Variants in RAB7A observed in about 807,000 individuals in gnomAD.
The protein encoded by RAB7A is ras-related protein Rab-7a.
A neutral mutation model predicts 24.5 loss-of-function variants in RAB7A; 2 were observed. That is an observed-to-expected ratio of 0.08 (90% CI 0.03 to 0.26). The LOEUF (loss-of-function observed/expected upper bound fraction) is 0.26. Among genes scored for constraint, RAB7A ranks in the 10% least tolerant of loss-of-function variants. RAB7A has a pLI of 1.00. For missense variants in RAB7A, 118 were observed against 255.7 expected (o/e 0.46, Z 3.67); for synonymous variants, 100 against 95.9 (o/e 1.04, Z -0.25).
At chr3:128,768,853 C>G (rs946217645) in intron 1 of RAB7A, among the ~76,000 whole-genome samples, 1 of 151,896 alleles carries the variant, frequency 6.6e-6, no homozygotes, top group African/African-American at 2.4e-5. Flanking sequence ...GACACTGCGC[C>G]CAGCCTAAAG....
intron 1 of RAB7A, among the ~76,000 whole-genome samples, chr3:128,752,976 A>G (rs74974463): frequency 1.1e-3 from 167 of 152,328 alleles, no homozygotes; most frequent in Admixed American, 2.6e-3. Flanking sequence ...AACTGACATC[A>G]TGATACCCTA....
chr3:128,763,618 C>CA (rs2070795915), intron 1 of RAB7A, among the ~76,000 whole-genome samples: 2 of 152,192 alleles, frequency 1.3e-5, no homozygotes, highest in South Asian at 4.1e-4. Flanking sequence ...TTAAGGTAGT[C>CA]ACAGCCATAT....
chr3:128,730,163 A>C (rs73196974), intron 1 of RAB7A, among the ~76,000 whole-genome samples: 8,131 of 152,190 alleles, frequency 0.053, 230 homozygotes, highest in Non-Finnish European at 0.058. Flanking sequence ...TTTGCTCTTA[A>C]ATCTTCTATT....
chr3:128,745,048 G>A lies in RAB7A; in HGVS notation c.-9+18689G>A, dbSNP rs568193671. Among the ~76,000 whole-genome samples, 23 of 151,844 alleles carry A rather than the reference G, an allele frequency of 1.5e-4. No individual in the cohort carries two copies. In the South Asian group the frequency reaches 4.6e-3, roughly 30 times the overall value. On this transcript the variant is annotated intron_variant, in intron 1 of 5. Transcript: ENST00000265062. The stretch of plus-strand genomic sequence containing the variant: ...GCCACCACACCTGGCTAATTTTTTT[G>A]TATTTTTAGTAGAGACAGGGTTTCA...
chr3:128,786,310 T>C (rs1933340790), intron 1 of RAB7A, among the ~76,000 whole-genome samples: 2 of 152,212 alleles, frequency 1.3e-5, no homozygotes. Context: ...GTTTGGGAAG[T>C]TGAGAAGAGT....
At chr3:128,734,539 A>T (rs73196987) in intron 1 of RAB7A, among the ~76,000 whole-genome samples, 6,257 of 151,800 alleles carry the variant, frequency 0.041, 177 homozygotes, top group Non-Finnish European at 0.058. Flanking sequence ...TTAGTCTTCC[A>T]TAGTTGCCCA....
intron 1 of RAB7A, among the ~76,000 whole-genome samples, chr3:128,745,153 C>T (rs2070598690): frequency 6.6e-6 from 1 of 151,976 alleles, no homozygotes; most frequent in South Asian, 2.1e-4. Context: ...GGATTATAGG[C>T]GTGAGCTGCC....
chr3:128,795,804 T>C (rs1933559864), intron 2 of RAB7A, among the ~76,000 whole-genome samples: 1 of 129,344 alleles, frequency 7.7e-6, no homozygotes, highest in Admixed American at 8.8e-5. Context: ...CAGGCTGGAG[T>C]GCAGTGGCGC....
chr3:128,768,581 CAG>C (rs943339587), intron 1 of RAB7A, among the ~76,000 whole-genome samples: 4 of 151,692 alleles, frequency 2.6e-5, no homozygotes, highest in African/African-American at 9.7e-5. Flanking sequence ...TTTTTGGAGA[CAG>C]GGTCTCATTC....
At chr3:128,752,770 T>G (rs548644858) in intron 1 of RAB7A, among the ~76,000 whole-genome samples, 7 of 152,094 alleles carry the variant, frequency 4.6e-5, no homozygotes, top group African/African-American at 1.7e-4. Flanking sequence ...TGTTTATTCT[T>G]TAGGTGGGTT....
At chr3:128,768,943 C>A (rs1046773896) in intron 1 of RAB7A, among the ~76,000 whole-genome samples, 1 of 143,798 alleles carries the variant, frequency 7.0e-6, no homozygotes, top group African/African-American at 2.6e-5. Context: ...CTTTTCCTTT[C>A]CTTTCCTTTT....
chr3:128,798,766 G>A (rs938602016), intron 3 of RAB7A: 2 of 182,996 alleles, frequency 1.1e-5, no homozygotes, highest in Non-Finnish European at 1.1e-5. Flanking sequence ...AGTGAGCTGT[G>A]ACTGCTCCAT....
rs753783290 is a variant in RAB7A, at chr3:128,813,311, C to CT, written c.529-15dup. 1 of 1,610,650 alleles carries CT rather than the reference C, an allele frequency of 6.2e-7. No homozygotes were observed. Among genetic ancestry groups the CT allele is most frequent in the South Asian group, 1.1e-5 (1 of 90,952 alleles). ...TATTCCCTGAGTAACCAACCTTTCT[C>CT]TGTTTCCTTGTCCAGGAAACGGAGG... On this transcript the variant is annotated splice_polypyrimidine_tract_variant and intron_variant, in intron 5 of 5. Transcript: ENST00000265062.
chr3:128,746,258 A>T (rs943236581), intron 1 of RAB7A, among the ~76,000 whole-genome samples: 2 of 151,864 alleles, frequency 1.3e-5, no homozygotes, highest in African/African-American at 4.8e-5. Context: ...TCAACTGTTT[A>T]TTTTTAGCTT....
chr3:128,764,453 A>G, intron 1 of RAB7A: 1 of 760,908 alleles, frequency 1.3e-6, no homozygotes, highest in African/African-American at 1.7e-5. Context: ...CTATGGGGAA[A>G]TTAGCCTGAG....
Position 128,773,748 on chromosome 3 carries a change from C to G in RAB7A, c.-8-21612C>G, listed in dbSNP as rs139816657. Among the ~76,000 whole-genome samples the G allele has an allele frequency of 6.1e-3, 926 of 152,332 alleles. 8 individuals are homozygous for G. The highest frequency in any genetic ancestry group is 0.021 in the African/African-American group (884 of 41,568). ...TTGTTCTGTACTAAGAAAAATTCTT[C>G]TGCCTTGGGATGCTGTTGATCTATG... On this transcript the variant is annotated intron_variant, in intron 1 of 5. Transcript: ENST00000265062.
chr3:128,732,025 T>C (rs557911858), intron 1 of RAB7A, among the ~76,000 whole-genome samples: 1 of 149,566 alleles, frequency 6.7e-6, no homozygotes, highest in Admixed American at 6.6e-5. Context: ...AAAGTGTCTC[T>C]TTCTTCCACT....
At chr3:128,779,917 A>G (rs145194566) in intron 1 of RAB7A, among the ~76,000 whole-genome samples, 2,031 of 152,304 alleles carry the variant, frequency 0.013, 26 homozygotes, top group Middle Eastern at 0.054. Context: ...AGAACTGCAC[A>G]TCCATTTCCC....
In RAB7A at chr3:128,748,496, G is replaced by A. The variant is rs1371249445; in HGVS notation, c.-9+22137G>A. 4 of 152,494 alleles carry A rather than the reference G, an allele frequency of 2.6e-5. No individual in the cohort carries two copies. In the East Asian group the frequency reaches 5.8e-4, roughly 22 times the overall value. The allele number at this position is 152,494 out of a possible 1,614,324, so 9.4% of individuals were successfully genotyped here. On this transcript the variant is annotated intron_variant, in intron 1 of 5. Coordinates refer to ENST00000265062, the MANE Select transcript of RAB7A (RefSeq NM_004637.6). ...GAAGAATTGGTGGGACCCCCAGAAGGCAGGGGCTGCACTCTCTTGATGGAG... is the reference window on the plus strand; with the variant it reads ...GAAGAATTGGTGGGACCCCCAGAAGACAGGGGCTGCACTCTCTTGATGGAG...
Sources: allele counts gnomAD v4.1 joint callset (sites outside exome capture counted in the v4.1 genomes callset), GRCh38; gene constraint gnomAD v4.1.1; transcripts MANE v1.5; gene names NCBI Gene and HGNC (gene_info 2026-07-23, HGNC 2026-07-21).